Variants in ADAMTS16 observed in about 807,000 individuals in gnomAD.
ADAMTS16 encodes the protein ADAM metallopeptidase with thrombospondin type 1 motif 16.
ADAMTS16 carries 94 observed loss-of-function variants against 145.8 expected under a neutral mutation model. That is an observed-to-expected ratio of 0.64 (90% CI 0.55 to 0.77). The LOEUF is 0.77. Among genes scored for constraint, ADAMTS16 ranks in the 30% least tolerant of loss-of-function variants. The probability of loss-of-function intolerance (pLI) is 0.00; values close to 1 mark genes in which losing one functional copy is unlikely to be tolerated. For missense variants in ADAMTS16, 1,585 were observed against 1,591.5 expected (o/e 1.00, Z 0.07); for synonymous variants, 659 against 604.3 (o/e 1.09, Z -1.33).
At chr5:5,178,925 C>A (rs919774442) in intron 3 of ADAMTS16, among the ~76,000 whole-genome samples, 10 of 151,992 alleles carry the variant, frequency 6.6e-5, no homozygotes, top group African/African-American at 2.2e-4. Flanking sequence ...GGTGCACCAA[C>A]ACTCAGGGCT....
rs1372088593 is a variant in ADAMTS16, at chr5:5,262,864, A to G, written c.2789+81A>G. The G allele has an allele frequency of 2.6e-6, 4 of 1,567,444 alleles. No homozygotes were observed. In the African/African-American group the frequency reaches 5.4e-5, roughly 21 times the overall value. ...GAGTCTTGCAGCTCCTGATTTCGAG[A>G]GAGAAGTGCTGATTGCCATCATGTC... is the stretch of plus-strand genomic sequence containing the variant. On this transcript the variant is annotated intron_variant, in intron 18 of 22. Transcript: ENST00000274181.
At chr5:5,318,079 G>A (rs1200935813) in intron 21 of ADAMTS16, 55 bp from the exon 22 acceptor site, 7 of 1,307,898 alleles carry the variant, frequency 5.4e-6, no homozygotes, top group South Asian at 2.6e-5. Flanking sequence ...CACTGAGGTT[G>A]ACCAGGTGCC....
chr5:5,239,974 G>T (rs368076733), intron 16 of ADAMTS16, 49 bp downstream of exon 16: 4 of 1,602,196 alleles, frequency 2.5e-6, no homozygotes, highest in Admixed American at 1.7e-5. Context: ...GGGGTGTTCT[G>T]GTGTCTGTGT....
intron 11 of ADAMTS16, among the ~76,000 whole-genome samples, chr5:5,228,604 T>G (rs1425893677): frequency 2.0e-5 from 3 of 152,152 alleles, no homozygotes; most frequent in African/African-American, 4.8e-5. Flanking sequence ...AGCCTCTTAA[T>G]CTAGTTTTCT....
chr5:5,172,643 C>A (rs759984274), intron 3 of ADAMTS16, among the ~76,000 whole-genome samples: 4 of 151,988 alleles, frequency 2.6e-5, no homozygotes, highest in Non-Finnish European at 5.9e-5. Flanking sequence ...TTTTTTAAGA[C>A]TTTTTTGTGG....
chr5:5,215,033 C>T (rs1332860828), intron 10 of ADAMTS16, among the ~76,000 whole-genome samples: 2 of 152,030 alleles, frequency 1.3e-5, no homozygotes, highest in Admixed American at 6.5e-5. Flanking sequence ...CAGAAATATG[C>T]TAATCTAGAT....
At chr5:5,286,359 T>A (rs549444864) in intron 18 of ADAMTS16, among the ~76,000 whole-genome samples, 4 of 152,302 alleles carry the variant, frequency 2.6e-5, no homozygotes, top group Non-Finnish European at 5.9e-5. Flanking sequence ...TTCCTCCTCA[T>A]ATTCCCTTAG....
intron 3 of ADAMTS16, among the ~76,000 whole-genome samples, chr5:5,169,415 C>T (rs1477850035): frequency 6.6e-6 from 1 of 152,234 alleles, no homozygotes; most frequent in East Asian, 1.9e-4. Context: ...CCAGCACACT[C>T]AGTCTCCTGG....
Position 5,303,332 on chromosome 5 carries a change from G to T in ADAMTS16, c.2854G>T (p.Val952Leu), listed in dbSNP as rs757048973. 1 of 1,606,338 alleles carries T rather than the reference G, an allele frequency of 6.2e-7. No individual in the cohort carries two copies. The highest frequency in any genetic ancestry group is 1.3e-5 in the African/African-American group (1 of 74,848). Residue 952 changes from valine (V) to leucine (L), a missense_variant, in exon 19 of 23, where the codon GTG (valine) becomes TTG (leucine). This residue lies in a region of ADAMTS16 where 834 missense variants were observed against 811.7 expected (regional missense o/e 1.03). Coordinates refer to ENST00000274181, the MANE Select transcript of ADAMTS16 (RefSeq NM_139056.4). ...TCGGGAQSRP[V>L]QCTRRVHYDS... ...TGGCGGGGGTGCCCAGAGCCGCCCC[G>T]TGCAGTGCACACGGCGGGTGCACTA...
At chr5:5,238,759 T>C (rs1380755494) in intron 14 of ADAMTS16, among the ~76,000 whole-genome samples, 2 of 152,254 alleles carry the variant, frequency 1.3e-5, no homozygotes, top group South Asian at 2.1e-4. Flanking sequence ...TTCTCTGTCA[T>C]TGCATGAGAC....
At chr5:5,211,198 T>G (rs1736264829) in intron 10 of ADAMTS16, among the ~76,000 whole-genome samples, 1 of 152,202 alleles carries the variant, frequency 6.6e-6, no homozygotes, top group Non-Finnish European at 1.5e-5. Flanking sequence ...AATTCACCAG[T>G]GAGCTCTGTC....
rs186455822 is a variant in ADAMTS16 at position 5,172,461 on chromosome 5, A to T, written c.502-9583A>T. On this transcript the variant is annotated intron_variant, in intron 3 of 22. Coordinates refer to ENST00000274181, the MANE Select transcript of ADAMTS16 (RefSeq NM_139056.4). ...GGTGTATTTTTATTATCATTTTTCAAATAAATTTAATTTTCTTCTTAATTT... is the reference window on the plus strand; with the variant it reads ...GGTGTATTTTTATTATCATTTTTCATATAAATTTAATTTTCTTCTTAATTT... Among the ~76,000 whole-genome samples, 6 of 152,082 alleles carry T rather than the reference A, an allele frequency of 3.9e-5. No individual in the cohort carries two copies. In the East Asian group the frequency reaches 1.2e-3, roughly 29 times the overall value.
chr5:5,204,866 A>G (rs1198101859), intron 9 of ADAMTS16, among the ~76,000 whole-genome samples: 1 of 152,178 alleles, frequency 6.6e-6, no homozygotes, highest in Non-Finnish European at 1.5e-5. Context: ...GTGTGAAGTT[A>G]CACTCCCAGA....
At chr5:5,246,094 C>G (rs1209622030) in intron 17 of ADAMTS16, among the ~76,000 whole-genome samples, 1 of 152,140 alleles carries the variant, frequency 6.6e-6, no homozygotes, top group Non-Finnish European at 1.5e-5. Context: ...TTTACCTTGT[C>G]AAAACATCAG....
intron 17 of ADAMTS16, among the ~76,000 whole-genome samples, chr5:5,261,621 G>A (rs1457623287): frequency 6.6e-6 from 1 of 151,876 alleles, no homozygotes; most frequent in African/African-American, 2.4e-5. Flanking sequence ...TGATAGCTGG[G>A]AATACAGGCA....
intron 8 of ADAMTS16, among the ~76,000 whole-genome samples, chr5:5,196,360 A>G (rs1041842226): frequency 2.0e-5 from 3 of 152,022 alleles, no homozygotes; most frequent in South Asian, 4.2e-4. Flanking sequence ...TGATGATGAC[A>G]TGTGCCTCCA....
chr5:5,297,108 T>A (rs151161083), intron 18 of ADAMTS16, among the ~76,000 whole-genome samples: 1 of 152,258 alleles, frequency 6.6e-6, no homozygotes, highest in East Asian at 1.9e-4. Context: ...GGGAGCACAG[T>A]CTCCACACAC....
At chr5:5,276,419 T>C (rs1738699121) in intron 18 of ADAMTS16, among the ~76,000 whole-genome samples, 1 of 152,176 alleles carries the variant, frequency 6.6e-6, no homozygotes, top group Non-Finnish European at 1.5e-5. Context: ...CAGACCCGAG[T>C]GTAAATTACT....
chr5:5,176,911 C>A (rs1001310376), intron 3 of ADAMTS16, among the ~76,000 whole-genome samples: 1 of 152,172 alleles, frequency 6.6e-6, no homozygotes, highest in African/African-American at 2.4e-5. Context: ...AGTCACACTT[C>A]TGCTGCTGGG....
Sources: gnomAD v4.1 joint callset for allele counts (sites outside exome capture counted in the v4.1 genomes callset) on GRCh38, gnomAD v4.1.1 for gene constraint, gnomAD v4.1.1 regional missense constraint, MANE v1.5 for transcripts, NCBI Gene and HGNC (gene_info 2026-07-23, HGNC 2026-07-21) for gene names.